FASTKD1: variants seen among roughly 807,000 people sequenced by gnomAD.
The protein encoded by FASTKD1 is FAST kinase domains 1.
A neutral mutation model predicts 90.9 loss-of-function variants in FASTKD1; 94 were observed. That is an observed-to-expected ratio of 1.03 (90% CI 0.88 to 1.23). The LOEUF (loss-of-function observed/expected upper bound fraction) is 1.23, where lower values mean the gene tolerates loss of function less well. Among genes scored for constraint, FASTKD1 ranks in the 50% most tolerant of loss-of-function variants. The pLI is 0.00. For missense variants in FASTKD1, 945 were observed against 993.5 expected (o/e 0.95, Z 0.66); for synonymous variants, 319 against 345.8 (o/e 0.92, Z 0.86).
chr2:169,532,185 C>T (rs145316057), intron 12 of FASTKD1, among the ~76,000 whole-genome samples: 62 of 152,062 alleles, frequency 4.1e-4, no homozygotes, highest in African/African-American at 1.3e-3. Flanking sequence ...TTTGGGAGGC[C>T]GAGGCAGGCA....
chr2:169,553,359 T>C (rs1342757414), intron 7 of FASTKD1, among the ~76,000 whole-genome samples: 2 of 148,672 alleles, frequency 1.3e-5, no homozygotes, highest in African/African-American at 5.0e-5. Flanking sequence ...AAATTCATAA[T>C]TGAGAGGTAG....
At position 169,546,457 on chromosome 2, in the gene FASTKD1, G is replaced by T; in HGVS notation, c.1462C>A (p.Arg488Ser). The part of the protein sequence containing the change: ...KLLQKLDHYG[R>S]QRLQHSNSLD... ...CTGTTGCTGTGTTGTAGTCTCTGAC[G>T]ACCATAGTGATCTAATTTTTGAAGT... The change falls in exon 8 of 15, where the codon CGT becomes AGT. Residue 488 changes from arginine (R) to serine (S), a missense_variant. Transcript: ENST00000453153. The T allele has an allele frequency of 1.2e-6, 2 of 1,614,044 alleles. No individual in the cohort carries two copies. Among genetic ancestry groups the T allele is most frequent in the South Asian group, 2.2e-5 (2 of 91,010 alleles).
intron 12 of FASTKD1, among the ~76,000 whole-genome samples, chr2:169,536,084 C>A (rs1684711830): frequency 6.6e-6 from 1 of 151,608 alleles, no homozygotes; most frequent in Non-Finnish European, 1.5e-5. Context: ...AGTTTGAGAC[C>A]AGCAACATAG....
rs772919995 is a variant in FASTKD1, at chr2:169,529,925, A to T, written c.2444T>A (p.Ile815Asn). 1.2e-6 allele frequency: 2 copies of T among 1,602,142 alleles called. No individual in the cohort carries two copies. Among genetic ancestry groups the T allele is most frequent in the South Asian group, 2.2e-5 (2 of 89,370 alleles). ...LEILGYRVIQ[I>N]SQFEWNSMAL... ...CATAGAGTTCCATTCAAACTGGGAAATCTGAAAATAAGTAATGTTGTTTGA... is the reference window on the plus strand; with the variant it reads ...CATAGAGTTCCATTCAAACTGGGAATTCTGAAAATAAGTAATGTTGTTTGA... The change falls in exon 15 of 15, where the codon ATT becomes AAT. Residue 815 changes from isoleucine (I) to asparagine (N), a missense_variant and splice_region_variant. By Grantham distance (149) the Ile-to-Asn change is moderately radical. Transcript: ENST00000453153.
chr2:169,568,000 A>T (rs924107303), intron 3 of FASTKD1, among the ~76,000 whole-genome samples: 1 of 152,202 alleles, frequency 6.6e-6, no homozygotes, highest in African/African-American at 2.4e-5. Flanking sequence ...TTAGAGAATA[A>T]ATTTCTCTGT....
chr2:169,554,642 C>T (rs1239202024), intron 7 of FASTKD1, among the ~76,000 whole-genome samples: 1 of 148,886 alleles, frequency 6.7e-6, no homozygotes, highest in Non-Finnish European at 1.5e-5. Context: ...CCAGCCTGGG[C>T]AACAAAGTGA....
At chr2:169,549,193 G>C (rs934187562) in intron 7 of FASTKD1, among the ~76,000 whole-genome samples, 1 of 152,242 alleles carries the variant, frequency 6.6e-6, no homozygotes, top group East Asian at 1.9e-4. Context: ...TCGGGAGTTC[G>C]AGACCAGCCT....
intron 8 of FASTKD1, 81 bp downstream of exon 8, chr2:169,546,137 T>C (rs1353796554): frequency 1.4e-6 from 2 of 1,393,048 alleles, no homozygotes; most frequent in Non-Finnish European, 1.9e-6. Flanking sequence ...CCAATCCAAG[T>C]TCTCAAAGTG....
chr2:169,560,646 G>C lies in FASTKD1; in HGVS notation c.712C>G (p.Leu238Val). Residue 238 changes from leucine (L) to valine (V), a missense_variant, in exon 5 of 15, where the codon CTT (leucine) becomes GTT (valine). By Grantham distance (32) the Leu-to-Val change is conservative. Coordinates refer to ENST00000453153, the MANE Select transcript of FASTKD1 (RefSeq NM_024622.6). ...TGATAACGATATCTAACATTTCGAA[G>C]AAACTTTGCTATGCTTTTTGCAACG... ...VNVAKSIAKF[L>V]RNVRYRYQPL... 6.2e-7 allele frequency: 1 copy of C among 1,612,944 alleles called. No homozygotes were observed. Among genetic ancestry groups the C allele is most frequent in the Non-Finnish European group, 8.5e-7 (1 of 1,179,702 alleles).
At chr2:169,545,202 T>C (rs1685136534) in intron 8 of FASTKD1, among the ~76,000 whole-genome samples, 1 of 152,168 alleles carries the variant, frequency 6.6e-6, no homozygotes, top group Non-Finnish European at 1.5e-5. Flanking sequence ...CAGGGCAACA[T>C]AGTGAGACCC....
chr2:169,544,767 C>T lies in FASTKD1; in HGVS notation c.1770G>A (p.Arg590=). The change falls in exon 9 of 15, where the codon AGG becomes AGA. Residue 590 remains arginine, a synonymous_variant. Coordinates refer to ENST00000453153, the MANE Select transcript of FASTKD1 (RefSeq NM_024622.6). Reference sequence around the variant, plus strand: ...GCACGCAAGTTCCCAAAAATTCATCCCTTTGAGGTGGATCATAGTTCAATA... The same window carrying T: ...GCACGCAAGTTCCCAAAAATTCATCTCTTTGAGGTGGATCATAGTTCAATA... ...FSVLNYDPPQ[R]DEFLGTCVQH... is the part of the protein sequence containing the mutation. 2 of 1,612,552 alleles carry T rather than the reference C, an allele frequency of 1.2e-6. No individual in the cohort carries two copies. Among genetic ancestry groups the T allele is most frequent in the Non-Finnish European group, 1.7e-6 (2 of 1,178,848 alleles).
At chr2:169,550,977 C>T (rs1423151560) in intron 7 of FASTKD1, among the ~76,000 whole-genome samples, 1 of 152,184 alleles carries the variant, frequency 6.6e-6, no homozygotes, top group African/African-American at 2.4e-5. Context: ...TTTCTCCAAC[C>T]TCCACTTGGT....
At chr2:169,535,976 T>C (rs1684706821) in intron 12 of FASTKD1, among the ~76,000 whole-genome samples, 1 of 152,062 alleles carries the variant, frequency 6.6e-6, no homozygotes, top group South Asian at 2.1e-4. Context: ...TTTTTTTTTT[T>C]TCAAGTAAGA....
At chr2:169,533,618 T>C (rs1684584269) in intron 12 of FASTKD1, among the ~76,000 whole-genome samples, 1 of 152,126 alleles carries the variant, frequency 6.6e-6, no homozygotes, top group African/African-American at 2.4e-5. Context: ...AAGCAATATA[T>C]AAAAATAAAC....
intron 7 of FASTKD1, among the ~76,000 whole-genome samples, chr2:169,549,021 C>T (rs554448309): frequency 2.6e-5 from 4 of 151,816 alleles, no homozygotes; most frequent in Admixed American, 1.3e-4. Context: ...GGCGTGAACC[C>T]GGGAGGCGGA....
intron 12 of FASTKD1, among the ~76,000 whole-genome samples, chr2:169,536,168 G>A (rs555263090): frequency 6.6e-6 from 1 of 152,080 alleles, no homozygotes; most frequent in Non-Finnish European, 1.5e-5. Flanking sequence ...CAAGGATAGT[G>A]TTAAATGCTT....
chr2:169,529,762 A>G lies in FASTKD1; in HGVS notation c.*63T>C. 8.8e-7 allele frequency: 1 copy of G among 1,142,722 alleles called. No individual in the cohort carries two copies. Among genetic ancestry groups the G allele is most frequent in the Non-Finnish European group, 1.3e-6 (1 of 783,358 alleles). The allele number at this position is 1,142,722 out of a possible 1,614,324, so 70.8% of individuals were successfully genotyped here. A position where few individuals can be genotyped will look rare whatever the true frequency, so the allele number is the denominator to read the frequency against. On this transcript the variant is annotated 3_prime_UTR_variant, in exon 15 of 15. Coordinates refer to ENST00000453153, the MANE Select transcript of FASTKD1 (RefSeq NM_024622.6). ...CATTTGTACCTATTTTTTAATTGAGACAGGCCACTTTATTAAAATAGGTCC... is the reference window on the plus strand; with the variant it reads ...CATTTGTACCTATTTTTTAATTGAGGCAGGCCACTTTATTAAAATAGGTCC...
chr2:169,532,203 T>C lies in FASTKD1; in HGVS notation c.2189-713A>G, dbSNP rs529534988. ...GGGAGGCCGAGGCAGGCAGATTGCT[T>C]GAGCTCAGGAGTTCCAGACCAGCCT... On this transcript the variant is annotated intron_variant, in intron 12 of 14. Transcript: ENST00000453153. Among the ~76,000 whole-genome samples the C allele has an allele frequency of 2.6e-5, 4 of 152,152 alleles. No individual in the cohort carries two copies. The South Asian group carries it at 8.3e-4, about 32-fold the overall frequency.
chr2:169,548,676 G>A (rs773790942), intron 7 of FASTKD1, among the ~76,000 whole-genome samples: 6 of 135,722 alleles, frequency 4.4e-5, no homozygotes, highest in Admixed American at 2.4e-4. Flanking sequence ...AGGTTGCAGT[G>A]AGCCGAGATC....
Sources: gnomAD v4.1 joint callset for allele counts (sites outside exome capture counted in the v4.1 genomes callset) on GRCh38, gnomAD v4.1.1 for gene constraint, MANE v1.5 for transcripts, NCBI Gene and HGNC (gene_info 2026-07-23, HGNC 2026-07-21) for gene names.